Variants in BICD1 observed in about 807,000 individuals in gnomAD.
The protein encoded by BICD1 is protein bicaudal D homolog 1.
In BICD1, 35 loss-of-function variants were observed where a neutral mutation model predicts 92.5. That is an observed-to-expected ratio of 0.38 (90% CI 0.29 to 0.50). The LOEUF is 0.50. Ranked by LOEUF, BICD1 falls within the 20% of genes least tolerant of loss-of-function variation. The pLI is 0.93. For synonymous variants in BICD1, 429 were observed against 465.1 expected (o/e 0.92, Z 1.00); for missense variants, 950 against 1,189.8 (o/e 0.80, Z 2.97).
At chr12:32,133,875 G>C (rs775583412) in intron 1 of BICD1, among the ~76,000 whole-genome samples, 1 of 150,154 alleles carries the variant, frequency 6.7e-6, no homozygotes, top group Non-Finnish European at 1.5e-5. Flanking sequence ...TCCGCCTCCC[G>C]GGTTCACGCC....
rs59544133 is a variant in BICD1 at position 32,252,206 on chromosome 12, T to C, written c.426+35747T>C. 2.2e-5 allele frequency among the ~76,000 whole-genome samples: 3 copies of C among 134,830 alleles called. No individual in the cohort carries two copies. The East Asian group carries it at 6.0e-4, about 27-fold the overall frequency. The allele number at this position is 134,830 out of a possible 152,430, so 88.5% of individuals were successfully genotyped here. A position where few individuals can be genotyped will look rare whatever the true frequency, so the allele number is the denominator to read the frequency against. On this transcript the variant is annotated intron_variant, in intron 2 of 9. Coordinates refer to ENST00000652176, the MANE Select transcript of BICD1 (RefSeq NM_001714.4). Reference sequence around the variant, plus strand: ...TAATATATACTATATATTTTATATATATTATATATCTTGTATATATTATAT... The same window carrying C: ...TAATATATACTATATATTTTATATACATTATATATCTTGTATATATTATAT...
chr12:32,294,668 A>G (rs1355142498), intron 3 of BICD1, among the ~76,000 whole-genome samples: 1 of 148,490 alleles, frequency 6.7e-6, no homozygotes, highest in African/African-American at 2.5e-5. Flanking sequence ...AAGCTTGTCT[A>G]TGAGCTTAGG....
intron 2 of BICD1, among the ~76,000 whole-genome samples, chr12:32,220,263 A>G (rs1565596293): frequency 1.3e-5 from 2 of 152,294 alleles, no homozygotes; most frequent in Admixed American, 1.3e-4. Flanking sequence ...TAAACTAAAG[A>G]GCTTCTGCAC....
chr12:32,198,271 G>A (rs903146662), intron 1 of BICD1, among the ~76,000 whole-genome samples: 4 of 142,668 alleles, frequency 2.8e-5, no homozygotes, highest in Non-Finnish European at 6.0e-5. Context: ...AAGTTTTTAC[G>A]GCACAGACTT....
chr12:32,166,138 A>ATTT (rs1555140609), intron 1 of BICD1, among the ~76,000 whole-genome samples: 3,201 of 144,032 alleles, frequency 0.022, 127 homozygotes, highest in East Asian at 0.18. Context: ...TTATTTATTT[A>ATTT]TTTATTTATT....
chr12:32,279,780 C>T (rs1042128921), intron 2 of BICD1, among the ~76,000 whole-genome samples: 1 of 152,186 alleles, frequency 6.6e-6, no homozygotes, highest in Non-Finnish European at 1.5e-5. Flanking sequence ...ATTAACCCTT[C>T]GTGGTGCCAC....
At chr12:32,372,729 G>C (rs910403770) in intron 9 of BICD1, among the ~76,000 whole-genome samples, 1 of 151,646 alleles carries the variant, frequency 6.6e-6, no homozygotes, top group Non-Finnish European at 1.5e-5. Flanking sequence ...CAAAATACAA[G>C]AATTAGGCAT....
intron 2 of BICD1, among the ~76,000 whole-genome samples, chr12:32,282,244 A>G (rs1227363434): frequency 9.3e-6 from 1 of 107,768 alleles, no homozygotes; most frequent in African/African-American, 3.7e-5. Flanking sequence ...TTTTTGACAC[A>G]GGGTCTCACT....
intron 4 of BICD1, among the ~76,000 whole-genome samples, chr12:32,307,145 T>A (rs1016570877): frequency 1.3e-5 from 2 of 152,176 alleles, no homozygotes; most frequent in African/African-American, 4.8e-5. Flanking sequence ...AGCAACTGTG[T>A]TTATAGCTTC....
chr12:32,150,118 G>T (rs1416270469), intron 1 of BICD1, among the ~76,000 whole-genome samples: 2 of 152,278 alleles, frequency 1.3e-5, no homozygotes, highest in South Asian at 2.1e-4. Context: ...CATGAGAATG[G>T]CATGGGAAAG....
intron 1 of BICD1, among the ~76,000 whole-genome samples, chr12:32,117,707 T>TACACACACACAC (rs1375369579): frequency 3.1e-5 from 2 of 63,536 alleles, no homozygotes; most frequent in African/African-American, 1.7e-4. Flanking sequence ...TACACAAATA[T>TACACACACACAC]ATATACACAC....
At chr12:32,232,381 G>A (rs953546710) in intron 2 of BICD1, among the ~76,000 whole-genome samples, 11 of 152,210 alleles carry the variant, frequency 7.2e-5, no homozygotes, top group African/African-American at 2.4e-4. Context: ...CTGCATAAAT[G>A]TCTTCTTCTG....
intron 1 of BICD1, among the ~76,000 whole-genome samples, chr12:32,112,030 G>T (rs1941716514): frequency 2.4e-5 from 3 of 125,740 alleles, no homozygotes; most frequent in African/African-American, 3.3e-5. Flanking sequence ...TTTTGAGATG[G>T]AGTTTCACTC....
At chr12:32,375,626 GA>G (rs1308728176) in intron 9 of BICD1, among the ~76,000 whole-genome samples, 1 of 152,156 alleles carries the variant, frequency 6.6e-6, no homozygotes, top group East Asian at 1.9e-4. Context: ...AAATAGGTAG[GA>G]AAAACAATTT....
rs765654714 is a variant in BICD1, at chr12:32,107,290, C to A, written c.-42C>A. ...TTCCCCGCCAGCTTCGCATCCATCT[C>A]CCCCACCCCGTAACCCCCTCCTGCC... On this transcript the variant is annotated 5_prime_UTR_variant, in exon 1 of 10. Coordinates refer to ENST00000652176, the MANE Select transcript of BICD1 (RefSeq NM_001714.4). 2 of 1,517,108 alleles carry A rather than the reference C, an allele frequency of 1.3e-6. No homozygotes were observed. The highest frequency in any genetic ancestry group is 9.0e-7 in the Non-Finnish European group (1 of 1,113,074). 94.0% of individuals were successfully genotyped at this position (1,517,108 alleles called of 1,614,324 possible). A position where few individuals can be genotyped will look rare whatever the true frequency, so the allele number is the denominator to read the frequency against.
chr12:32,319,596 T>C (rs1948594833), intron 4 of BICD1, among the ~76,000 whole-genome samples: 1 of 152,064 alleles, frequency 6.6e-6, no homozygotes. Flanking sequence ...TTTTTCTTTT[T>C]TGAAACAGTC....
intron 1 of BICD1, among the ~76,000 whole-genome samples, chr12:32,165,345 C>T (rs1397679734): frequency 6.6e-6 from 1 of 152,092 alleles, no homozygotes; most frequent in Non-Finnish European, 1.5e-5. Flanking sequence ...GAAACACCGT[C>T]TCTACTGAAA....
chr12:32,294,020 A>G lies in BICD1; in HGVS notation c.453A>G (p.Arg151=). The G allele has an allele frequency of 6.2e-7, 1 of 1,613,558 alleles. No homozygotes were observed. The highest frequency in any genetic ancestry group is 8.5e-7 in the Non-Finnish European group (1 of 1,179,868). The change falls in exon 3 of 10, where the codon AGA becomes AGG. Residue 151 remains arginine (R), a synonymous_variant. Transcript: ENST00000652176. ...KENNEMVELQ[R]IRMKDEIREY... ...ACAATGAGATGGTGGAGCTACAGAG[A>G]ATACGGATGAAGGATGAAATCCGAG...
chr12:32,243,609 A>G (rs1477967992), intron 2 of BICD1, among the ~76,000 whole-genome samples: 1 of 152,064 alleles, frequency 6.6e-6, no homozygotes, highest in Non-Finnish European at 1.5e-5. Context: ...ATCGTTTTCT[A>G]TGAGTAGAAA....
Sources: allele counts gnomAD v4.1 joint callset (sites outside exome capture counted in the v4.1 genomes callset), GRCh38; gene constraint gnomAD v4.1.1; transcripts MANE v1.5; gene names NCBI Gene and HGNC (gene_info 2026-07-23, HGNC 2026-07-21).